Variants in CDC123 observed in about 807,000 individuals in gnomAD.
The protein encoded by CDC123 is cell division cycle 123.
Under a neutral mutation model 54.4 loss-of-function variants are expected in CDC123, and 37 were observed. The ratio of observed to expected loss-of-function variants is 0.68; its 90% CI spans 0.52 to 0.89. The LOEUF is 0.89. CDC123 is among the 40% of genes least tolerant of loss of function. CDC123 has a pLI of 0.00. For missense variants in CDC123, 361 were observed against 412.1 expected (o/e 0.88, Z 1.07); for synonymous variants, 144 against 136.8 (o/e 1.05, Z -0.37).
intron 2 of CDC123, among the ~76,000 whole-genome samples, chr10:12,206,657 C>A (rs1266964925): frequency 1.3e-5 from 2 of 152,068 alleles, no homozygotes; most frequent in Non-Finnish European, 2.9e-5. Context: ...AGTAAAAATA[C>A]AAAAATTATC....
At chr10:12,244,136 G>A (rs926411331) in intron 10 of CDC123, among the ~76,000 whole-genome samples, 1 of 152,204 alleles carries the variant, frequency 6.6e-6, no homozygotes, top group Admixed American at 6.6e-5. Context: ...TTTGAAGCAA[G>A]TCCTAATTAG....
In CDC123 at chr10:12,242,809, G is replaced by T. The variant is rs189288518; in HGVS notation, c.718-3340G>T. 6.6e-4 allele frequency among the ~76,000 whole-genome samples: 101 copies of T among 152,066 alleles called. 2 individuals carry two copies. In the East Asian group the frequency reaches 0.018, roughly 27 times the overall value. The stretch of plus-strand genomic sequence containing the variant: ...ATACAAAAGTTAGTCAGGCACAGTG[G>T]CAGGCGCCTGTAATCCCAGCTACTT... On this transcript the variant is annotated intron_variant, in intron 10 of 12. Coordinates refer to ENST00000281141, the MANE Select transcript of CDC123 (RefSeq NM_006023.3).
intron 7 of CDC123, among the ~76,000 whole-genome samples, chr10:12,232,363 A>G (rs1835912654): frequency 6.6e-6 from 1 of 152,100 alleles, no homozygotes; most frequent in Non-Finnish European, 1.5e-5. Context: ...AGTAATTTTA[A>G]AATCTGTCTT....
intron 8 of CDC123, among the ~76,000 whole-genome samples, chr10:12,236,735 C>CA (rs1328687928): frequency 1.3e-5 from 2 of 151,200 alleles, no homozygotes; most frequent in African/African-American, 2.4e-5. Flanking sequence ...GCTAAAAATA[C>CA]AAAAAAAAAT....
At chr10:12,244,470 C>T (rs375948344) in intron 10 of CDC123, among the ~76,000 whole-genome samples, 1 of 152,266 alleles carries the variant, frequency 6.6e-6, no homozygotes, top group African/African-American at 2.4e-5. Context: ...CCGCTCTGTG[C>T]GTGTCAGCAC....
intron 6 of CDC123, among the ~76,000 whole-genome samples, chr10:12,218,247 CTTT>C (rs34125393): frequency 7.6e-5 from 9 of 119,176 alleles, no homozygotes; most frequent in Admixed American, 1.8e-4. Context: ...CTTTTTTTTT[CTTT>C]TTTTTTTTTT....
chr10:12,203,888 A>G (rs1267008262), intron 2 of CDC123, among the ~76,000 whole-genome samples: 1 of 152,060 alleles, frequency 6.6e-6, no homozygotes, highest in Non-Finnish European at 1.5e-5. Flanking sequence ...AGGCCAGGAG[A>G]TGGAGACCAG....
At chr10:12,212,559 A>G (rs1387737666) in intron 4 of CDC123, among the ~76,000 whole-genome samples, 2 of 152,204 alleles carry the variant, frequency 1.3e-5, no homozygotes, top group South Asian at 2.1e-4. Flanking sequence ...GCTGCACTCA[A>G]ACTTCTGGGC....
chr10:12,233,242 T>C (rs1415267278), intron 7 of CDC123, among the ~76,000 whole-genome samples: 1 of 151,536 alleles, frequency 6.6e-6, no homozygotes, highest in African/African-American at 2.4e-5. Context: ...AGTAGAATCC[T>C]TTGTATCATT....
intron 2 of CDC123, among the ~76,000 whole-genome samples, chr10:12,205,069 C>A (rs1479945012): frequency 1.3e-5 from 2 of 151,116 alleles, no homozygotes; most frequent in Admixed American, 1.3e-4. Flanking sequence ...CACCTCCTCA[C>A]AGTCCCCTAC....
intron 6 of CDC123, among the ~76,000 whole-genome samples, chr10:12,223,246 T>G (rs1207920222): frequency 6.6e-6 from 1 of 151,752 alleles, no homozygotes; most frequent in African/African-American, 2.4e-5. Flanking sequence ...AGAGAAACGG[T>G]GTGTTGATTA....
intron 4 of CDC123, among the ~76,000 whole-genome samples, chr10:12,214,412 G>A (rs1290266497): frequency 6.6e-6 from 1 of 152,118 alleles, no homozygotes; most frequent in Non-Finnish European, 1.5e-5. Context: ...AGAGATGAAT[G>A]GAAAATAAAG....
intron 6 of CDC123, among the ~76,000 whole-genome samples, chr10:12,229,425 C>T (rs910382426): frequency 6.6e-6 from 1 of 152,188 alleles, no homozygotes; most frequent in Non-Finnish European, 1.5e-5. Context: ...TCGCAGTTCC[C>T]CCTTGAGTCC....
chr10:12,239,403 T>C (rs541194754), intron 10 of CDC123, among the ~76,000 whole-genome samples: 2 of 152,164 alleles, frequency 1.3e-5, no homozygotes, highest in Non-Finnish European at 1.5e-5. Context: ...GCCAGGAGTT[T>C]GTCACTTGAT....
intron 7 of CDC123, among the ~76,000 whole-genome samples, chr10:12,232,848 A>G (rs576044628): frequency 6.7e-6 from 1 of 150,094 alleles, no homozygotes; most frequent in Non-Finnish European, 1.5e-5. Flanking sequence ...CAGTGGCGCC[A>G]TCTCCGGTTC....
intron 6 of CDC123, among the ~76,000 whole-genome samples, chr10:12,221,837 T>C (rs1014853817): frequency 6.6e-6 from 1 of 152,140 alleles, no homozygotes; most frequent in Non-Finnish European, 1.5e-5. Context: ...TTAGTGTTAG[T>C]GTATTTTATA....
chr10:12,219,240 G>A (rs1441381905), intron 6 of CDC123, among the ~76,000 whole-genome samples: 3 of 152,200 alleles, frequency 2.0e-5, no homozygotes, highest in African/African-American at 7.2e-5. Context: ...GGGAAGTTAA[G>A]TAATCAGTGA....
At chr10:12,197,446 G>A (rs1205833014) in intron 1 of CDC123, among the ~76,000 whole-genome samples, 1 of 104,348 alleles carries the variant, frequency 9.6e-6, no homozygotes, top group Admixed American at 9.6e-5. Context: ...CAGCGATCTT[G>A]GCTCACTGCA....
intron 2 of CDC123, among the ~76,000 whole-genome samples, chr10:12,203,446 CT>C: frequency 6.6e-6 from 1 of 152,266 alleles, no homozygotes; most frequent in Middle Eastern, 3.4e-3. Context: ...ACTAGTTTAC[CT>C]TGTTTGCCGA....
Sources: gnomAD v4.1 joint callset for allele counts (sites outside exome capture counted in the v4.1 genomes callset) on GRCh38, gnomAD v4.1.1 for gene constraint, MANE v1.5 for transcripts, NCBI Gene and HGNC (gene_info 2026-07-23, HGNC 2026-07-21) for gene names.